UTS2B: variants seen among roughly 807,000 people sequenced by gnomAD.
UTS2B encodes the protein urotensin-2B.
In UTS2B, 21 loss-of-function variants were observed where a neutral mutation model predicts 19.2. The observed-to-expected ratio is 1.09, with a 90% CI of 0.78 to 1.58. The LOEUF (loss-of-function observed/expected upper bound fraction) is 1.58. Among genes scored for constraint, UTS2B ranks in the 40% most tolerant of loss-of-function variants. The probability of loss-of-function intolerance (pLI) is 0.00; values close to 1 mark genes in which losing one functional copy is unlikely to be tolerated. For missense variants in UTS2B, 138 were observed against 130.3 expected, an observed-to-expected ratio of 1.06 and a Z score of -0.29; for synonymous variants, 57 against 50.2, an observed-to-expected ratio of 1.14 and a Z score of -0.58.
intron 8 of UTS2B, among the ~76,000 whole-genome samples, chr3:191,269,547 C>T (rs1181261562): frequency 6.7e-6 from 1 of 149,498 alleles, no homozygotes; most frequent in African/African-American, 2.5e-5. Flanking sequence ...TCACTATATT[C>T]CCCAGCCTGG....
intron 5 of UTS2B, among the ~76,000 whole-genome samples, chr3:191,279,111 G>A (rs1032300854): frequency 1.3e-5 from 2 of 151,970 alleles, no homozygotes; most frequent in East Asian, 1.9e-4. Flanking sequence ...CAAAATGTCA[G>A]TTGATAAATT....
intron 2 of UTS2B, among the ~76,000 whole-genome samples, chr3:191,325,058 A>C (rs1455230957): frequency 7.3e-6 from 1 of 136,434 alleles, no homozygotes; most frequent in Non-Finnish European, 1.7e-5. Flanking sequence ...TCAGGAAAAA[A>C]AAATAATATT....
At chr3:191,321,081 T>C (rs748196585) in intron 2 of UTS2B, among the ~76,000 whole-genome samples, 1 of 152,164 alleles carries the variant, frequency 6.6e-6, no homozygotes, top group African/African-American at 2.4e-5. Flanking sequence ...AGTTAGGAAG[T>C]AGAAGAAGTT....
At chr3:191,321,498 T>C (rs1342455302) in intron 2 of UTS2B, among the ~76,000 whole-genome samples, 1 of 152,270 alleles carries the variant, frequency 6.6e-6, no homozygotes, top group Non-Finnish European at 1.5e-5. Flanking sequence ...ACAAGGTTTA[T>C]GCGCCAAAGG....
At chr3:191,286,178 T>C (rs1716538668) in intron 4 of UTS2B, among the ~76,000 whole-genome samples, 2 of 152,138 alleles carry the variant, frequency 1.3e-5, no homozygotes, top group Admixed American at 6.5e-5. Context: ...AATACAGTAA[T>C]AGTAGGTGAT....
At chr3:191,336,188 C>T in the UTS2B span, among the ~76,000 whole-genome samples, 5 of 150,300 alleles carry the variant, frequency 3.3e-5, no homozygotes, top group Non-Finnish European at 5.9e-5. Context: ...TTGTTTCCCT[C>T]GAATGGACTT....
intron 3 of UTS2B, among the ~76,000 whole-genome samples, chr3:191,310,124 G>T (rs1416993468): frequency 1.3e-5 from 2 of 151,602 alleles, no homozygotes; most frequent in East Asian, 3.9e-4. Context: ...CACCATGCCT[G>T]GCTATTTTTT....
At chr3:191,334,463 G>A (rs78694997), upstream of UTS2B, among the ~76,000 whole-genome samples, 20 of 152,110 alleles carry the variant, frequency 1.3e-4, no homozygotes, top group Admixed American at 5.2e-4. Flanking sequence ...TTTAAAAAGA[G>A]ATTTCAGAGT....
chr3:191,280,040 C>G lies in UTS2B; in HGVS notation c.104-1870G>C, dbSNP rs192788068. 5.0e-3 allele frequency among the ~76,000 whole-genome samples: 763 copies of G among 152,078 alleles called. 2 individuals carry two copies. Among genetic ancestry groups the G allele is most frequent in the Non-Finnish European group, 8.7e-3 (588 of 67,912 alleles). On this transcript the variant is annotated intron_variant, in intron 5 of 8. Coordinates refer to ENST00000340524, the MANE Select transcript of UTS2B (RefSeq NM_198152.5). ...AAAAGATGGCAAAGCTGCTCCAATACGAGAGAGTGTTTTTGCAAATATTAC... is the reference window on the plus strand; with the variant it reads ...AAAAGATGGCAAAGCTGCTCCAATAGGAGAGAGTGTTTTTGCAAATATTAC...
chr3:191,278,250 C>A (rs1042220294), intron 5 of UTS2B, 80 bp from the exon 6 acceptor site: 3 of 695,910 alleles, frequency 4.3e-6, no homozygotes. Flanking sequence ...AGGCTACTAT[C>A]AATTTGTATA....
intron 3 of UTS2B, among the ~76,000 whole-genome samples, chr3:191,311,878 G>A (rs924038410): frequency 6.6e-6 from 1 of 152,016 alleles, no homozygotes; most frequent in African/African-American, 2.4e-5. Flanking sequence ...AGTGGCTCAC[G>A]CCTGTAATCC....
intron 1 of UTS2B, among the ~76,000 whole-genome samples, chr3:191,329,953 G>T (rs1174267649): frequency 7.1e-6 from 1 of 141,508 alleles, no homozygotes; most frequent in Admixed American, 7.1e-5. Flanking sequence ...GGGGGGGGGG[G>T]GGGCTAGCAG....
chr3:191,338,280 A>T, the UTS2B span, among the ~76,000 whole-genome samples: 2 of 152,222 alleles, frequency 1.3e-5, no homozygotes, highest in African/African-American at 4.8e-5. Context: ...TGAAAATATT[A>T]GGTTTTTCTT....
intron 3 of UTS2B, among the ~76,000 whole-genome samples, chr3:191,305,018 T>A (rs1038749360): frequency 6.6e-6 from 1 of 152,250 alleles, no homozygotes; most frequent in African/African-American, 2.4e-5. Context: ...TTCTTTTTCA[T>A]GGCTGCAGAG....
chr3:191,325,838 G>T (rs890708206), intron 2 of UTS2B, among the ~76,000 whole-genome samples: 1 of 152,194 alleles, frequency 6.6e-6, no homozygotes, highest in African/African-American at 2.4e-5. Context: ...GAAACCAAAT[G>T]TTCTGACACC....
intron 3 of UTS2B, among the ~76,000 whole-genome samples, chr3:191,314,074 G>A (rs1003070857): frequency 1.3e-5 from 2 of 152,100 alleles, no homozygotes; most frequent in African/African-American, 4.8e-5. Context: ...TAATGGAGTA[G>A]CTTTTAATAA....
Position 191,313,725 on chromosome 3 carries a change from CT to C in UTS2B, c.-182+2310del, listed in dbSNP as rs57398216. On this transcript the variant is annotated intron_variant, in intron 3 of 8. Coordinates refer to ENST00000340524, the MANE Select transcript of UTS2B (RefSeq NM_198152.5). ...TAAGACAATGCATTCCTCCACTTTCCTTTTTTTTTTTTTTTTTTTTTTTGAG... is the reference window on the plus strand; with the variant it reads ...TAAGACAATGCATTCCTCCACTTTCCTTTTTTTTTTTTTTTTTTTTTTGAG... Among the ~76,000 whole-genome samples the C allele has an allele frequency of 3.8e-3, 417 of 109,106 alleles. 2 individuals are homozygous for C. Among genetic ancestry groups the C allele is most frequent in the African/African-American group, 9.3e-3 (272 of 29,318 alleles). The allele number at this position is 109,106 out of a possible 152,430, so 71.6% of individuals were successfully genotyped here.
chr3:191,319,233 G>A (rs1342436175), intron 2 of UTS2B, among the ~76,000 whole-genome samples: 2 of 152,188 alleles, frequency 1.3e-5, no homozygotes, highest in Non-Finnish European at 2.9e-5. Flanking sequence ...GCTCTTGGCT[G>A]AGATTCCTTT....
At chr3:191,305,760 T>C (rs1717120839) in intron 3 of UTS2B, among the ~76,000 whole-genome samples, 1 of 152,224 alleles carries the variant, frequency 6.6e-6, no homozygotes, top group Non-Finnish European at 1.5e-5. Flanking sequence ...CTGAATGGTA[T>C]TGCCTAGGTT....
Sources: gnomAD v4.1 joint callset for allele counts (sites outside exome capture counted in the v4.1 genomes callset) on GRCh38, gnomAD v4.1.1 for gene constraint, MANE v1.5 for transcripts, NCBI Gene and HGNC (gene_info 2026-07-23, HGNC 2026-07-21) for gene names.